Variants in TYR observed in about 807,000 individuals in gnomAD.
TYR encodes tyrosinase, also known as LB24-AB.
TYR carries 58 observed loss-of-function variants against 51.5 expected under a neutral mutation model. The observed-to-expected ratio is 1.13, with a 90% CI of 0.91 to 1.40. The LOEUF is 1.40. Among genes scored for constraint, TYR ranks in the 40% most tolerant of loss-of-function variants. TYR has a pLI of 0.00. For missense variants in TYR, 732 were observed against 647.4 expected (o/e 1.13, Z -1.42); for synonymous variants, 263 against 235.2 (o/e 1.12, Z -1.08).
intron 3 of TYR, among the ~76,000 whole-genome samples, chr11:89,267,144 G>T (rs1565418105): frequency 6.6e-6 from 1 of 151,926 alleles, no homozygotes; most frequent in African/African-American, 2.4e-5. Flanking sequence ...AGGGCTTAGG[G>T]ATATAGTACT....
chr11:89,294,731 A>G (rs1168949640), intron 4 of TYR, among the ~76,000 whole-genome samples: 2 of 152,226 alleles, frequency 1.3e-5, no homozygotes, highest in African/African-American at 2.4e-5. Flanking sequence ...CAACATTACT[A>G]TTAATGTCTG....
chr11:89,256,056 T>C (rs1473862853), intron 3 of TYR, among the ~76,000 whole-genome samples: 1 of 151,728 alleles, frequency 6.6e-6, no homozygotes, highest in East Asian at 1.9e-4. Context: ...TTACATATGG[T>C]TTGTTATAGA....
intron 2 of TYR, among the ~76,000 whole-genome samples, chr11:89,220,437 C>T (rs1357819166): frequency 6.6e-6 from 1 of 152,128 alleles, no homozygotes; most frequent in Non-Finnish European, 1.5e-5. Flanking sequence ...TCCACCAGGT[C>T]CCACCTCCAA....
intron 2 of TYR, among the ~76,000 whole-genome samples, chr11:89,224,725 G>C (rs1943955564): frequency 6.6e-6 from 1 of 152,130 alleles, no homozygotes; most frequent in Non-Finnish European, 1.5e-5. Flanking sequence ...TCTGCTCCCA[G>C]AATGGGAAAA....
intron 3 of TYR, among the ~76,000 whole-genome samples, chr11:89,249,027 T>C (rs538971877): frequency 1.3e-5 from 2 of 152,136 alleles, no homozygotes; most frequent in East Asian, 3.9e-4. Flanking sequence ...GTAGAAAGGA[T>C]GGGTAAGTAA....
At chr11:89,290,830 A>T (rs1272703010) in intron 4 of TYR, among the ~76,000 whole-genome samples, 1 of 151,980 alleles carries the variant, frequency 6.6e-6, no homozygotes, top group Non-Finnish European at 1.5e-5. Context: ...TCAAAAAGTA[A>T]ATTTATAGTA....
intron 2 of TYR, among the ~76,000 whole-genome samples, chr11:89,223,449 T>G (rs1943938398): frequency 6.6e-6 from 1 of 152,158 alleles, no homozygotes; most frequent in South Asian, 2.1e-4. Flanking sequence ...AAAGATAAAA[T>G]AGAAAATAGT....
chr11:89,178,455 AACG>A lies in TYR; in HGVS notation c.505_507del (p.Asp169del), dbSNP rs794726885. ...GAAAAATGGATCAACACCCATGTTT[AACG>A]ACATCAATATTTATGACCTCTTTGT... is the stretch of plus-strand genomic sequence containing the variant. On this transcript the variant is annotated inframe_deletion, in exon 1 of 5. Transcript: ENST00000263321. 6.8e-6 allele frequency: 11 copies of A among 1,614,068 alleles called. No homozygotes were observed. Among genetic ancestry groups the A allele is most frequent in the Non-Finnish European group, 9.3e-6 (11 of 1,180,024 alleles).
intron 3 of TYR, among the ~76,000 whole-genome samples, chr11:89,238,272 AT>A (rs1241410473): frequency 6.6e-6 from 1 of 152,074 alleles, no homozygotes; most frequent in Non-Finnish European, 1.5e-5. Context: ...AATTTTTAAA[AT>A]TTTTATTTTT....
At position 89,178,603 on chromosome 11, in the gene TYR, G is replaced by T. The variant is rs61754365; in HGVS notation, c.650G>T (p.Arg217Leu). ...CCTTGGCATAGACTCTTCTTGTTGC[G>T]GTGGGAACAAGAAATCCAGAAGCTG... is the stretch of plus-strand genomic sequence containing the variant. Reference protein sequence around the residue: ...FLPWHRLFLLRWEQEIQKLTG... With the variant: ...FLPWHRLFLLLWEQEIQKLTG... The change falls in exon 1 of 5, where the codon CGG becomes CTG. Residue 217 changes from arginine to leucine, a missense_variant. Coordinates refer to ENST00000263321, the MANE Select transcript of TYR (RefSeq NM_000372.5). 5.6e-6 allele frequency: 9 copies of T among 1,612,688 alleles called. No individual in the cohort carries two copies. Among genetic ancestry groups the T allele is most frequent in the South Asian group, 3.3e-5 (3 of 91,038 alleles).
At chr11:89,226,270 G>T (rs1296401595) in intron 2 of TYR, among the ~76,000 whole-genome samples, 1 of 152,024 alleles carries the variant, frequency 6.6e-6, no homozygotes, top group Non-Finnish European at 1.5e-5. Flanking sequence ...TGTCTAATTT[G>T]TTATTTTACC....
At chr11:89,217,572 G>GTGA (rs1315468719) in intron 2 of TYR, among the ~76,000 whole-genome samples, 1 of 152,146 alleles carries the variant, frequency 6.6e-6, no homozygotes, top group Non-Finnish European at 1.5e-5. Flanking sequence ...ACATATAAAT[G>GTGA]TGAGGTTCAT....
At chr11:89,285,609 A>C (rs1313337476) in intron 4 of TYR, among the ~76,000 whole-genome samples, 1 of 151,800 alleles carries the variant, frequency 6.6e-6, no homozygotes, top group East Asian at 1.9e-4. Flanking sequence ...AAAATGAGGA[A>C]CAGATAGTAG....
At chr11:89,272,145 T>C (rs1198933373) in intron 3 of TYR, among the ~76,000 whole-genome samples, 1 of 151,938 alleles carries the variant, frequency 6.6e-6, no homozygotes, top group Non-Finnish European at 1.5e-5. Context: ...TCTAAATAGT[T>C]AATCCCTTCC....
chr11:89,213,770 G>C (rs1272345796), intron 2 of TYR, among the ~76,000 whole-genome samples: 1 of 152,126 alleles, frequency 6.6e-6, no homozygotes, highest in East Asian at 1.9e-4. Context: ...CAGAACAGAG[G>C]CCTCAGAAAT....
At chr11:89,266,299 G>A (rs1185473756) in intron 3 of TYR, among the ~76,000 whole-genome samples, 1 of 151,900 alleles carries the variant, frequency 6.6e-6, no homozygotes, top group Non-Finnish European at 1.5e-5. Context: ...TCTTAGTCAT[G>A]CATAGAATAT....
At chr11:89,178,865 T>C (rs2135242863) in intron 1 of TYR, 93 bp downstream of exon 1, 1 of 1,278,350 alleles carries the variant, frequency 7.8e-7, no homozygotes, top group East Asian at 2.4e-5. Flanking sequence ...TGAACACTCA[T>C]TGCAGCCCCC....
intron 1 of TYR, 122 bp from the exon 2 acceptor site, chr11:89,191,078 CAT>C: frequency 3.6e-6 from 3 of 830,608 alleles, no homozygotes; most frequent in Non-Finnish European, 6.0e-6. Context: ...ATTAAAGACA[CAT>C]GATTGTAGTA....
chr11:89,201,712 C>T (rs769288242), intron 2 of TYR, among the ~76,000 whole-genome samples: 2 of 152,128 alleles, frequency 1.3e-5, no homozygotes, highest in Non-Finnish European at 2.9e-5. Context: ...CAGAAAAAGG[C>T]AAAATCACAT....
Sources: allele counts gnomAD v4.1 joint callset (sites outside exome capture counted in the v4.1 genomes callset), GRCh38; gene constraint gnomAD v4.1.1; transcripts MANE v1.5; gene names NCBI Gene and HGNC (gene_info 2026-07-23, HGNC 2026-07-21).